ANXA3: variants seen among roughly 807,000 people sequenced by gnomAD.
ANXA3 encodes the protein annexin A3, also known as 35-alpha calcimedin.
ANXA3 carries 46 observed loss-of-function variants against 48.8 expected under a neutral mutation model. The observed-to-expected ratio is 0.94, with a 90% CI of 0.74 to 1.21. ANXA3 has a LOEUF of 1.21. ANXA3 is among the 50% of genes most tolerant of loss of function. The pLI, the probability that ANXA3 is intolerant of heterozygous loss-of-function variation, is 0.00. For synonymous variants in ANXA3, 128 were observed against 134.7 expected (o/e 0.95, Z 0.35); for missense variants, 383 against 378.6 (o/e 1.01, Z -0.10).
chr4:78,579,203 T>C, intron 4 of ANXA3, 82 bp downstream of exon 4: 1 of 914,120 alleles, frequency 1.1e-6, no homozygotes, highest in East Asian at 2.6e-5. Context: ...CCCACAGTCT[T>C]CTGTTTCAGG....
chr4:78,580,402 G>A (rs1191732296), intron 4 of ANXA3, among the ~76,000 whole-genome samples: 1 of 152,178 alleles, frequency 6.6e-6, no homozygotes, highest in Admixed American at 6.5e-5. Flanking sequence ...GAAAGTGAAG[G>A]GGGCAGAAGA....
intron 3 of ANXA3, among the ~76,000 whole-genome samples, chr4:78,578,121 TA>T (rs569083642): frequency 3.4e-5 from 5 of 147,824 alleles, no homozygotes; most frequent in Admixed American, 6.7e-5. Context: ...TCTACTAAAT[TA>T]AAAAAAAAAT....
At chr4:78,589,373 A>G (rs1016936810) in intron 6 of ANXA3, among the ~76,000 whole-genome samples, 8 of 152,330 alleles carry the variant, frequency 5.3e-5, no homozygotes, top group African/African-American at 9.6e-5. Context: ...TTAATGATAC[A>G]CAAGAAGATC....
intron 1 of ANXA3, among the ~76,000 whole-genome samples, chr4:78,552,972 T>C (rs561720877): frequency 2.0e-4 from 31 of 152,374 alleles, no homozygotes; most frequent in Non-Finnish European, 3.8e-4. Flanking sequence ...GGAAAGGATA[T>C]ATTGAAATTC....
intron 2 of ANXA3, among the ~76,000 whole-genome samples, chr4:78,561,371 G>A (rs1382702536): frequency 2.6e-5 from 4 of 152,162 alleles, no homozygotes; most frequent in Non-Finnish European, 5.9e-5. Context: ...TAGGAAAGGT[G>A]CAATGTGCTA....
chr4:78,601,520 G>A lies in ANXA3; in HGVS notation c.741G>A (p.Val247=). 1 of 1,613,970 alleles carries A rather than the reference G, an allele frequency of 6.2e-7. No homozygotes were observed. The highest frequency in any genetic ancestry group is 1.1e-5 in the South Asian group (1 of 91,072). ...TGCTTTTTGTTACAGTTAATTGTGT[G>A]AGGAACACGCCGGCCTTTTTAGCCG... is the stretch of plus-strand genomic sequence containing the variant. The part of the protein sequence containing the change: ...EDLLLAIVNC[V]RNTPAFLAER... The change falls in exon 11 of 13, where the codon GTG becomes GTA. Residue 247 remains valine (V), a synonymous_variant. Coordinates refer to ENST00000264908, the MANE Select transcript of ANXA3 (RefSeq NM_005139.3).
At position 78,554,347 on chromosome 4, in the gene ANXA3, T is replaced by G; in HGVS notation, c.-38-89T>G. 4.8e-5 allele frequency: 45 copies of G among 929,912 alleles called. No homozygotes were observed. The South Asian group carries it at 6.0e-4, about 12-fold the overall frequency. The allele number at this position is 929,912 out of a possible 1,614,324, so 57.6% of individuals were successfully genotyped here. ...TTTTTCTGTGAATGTTGACATCTGT[T>G]TTCTGGATTCAAGATTAAGGGTTGG... is the stretch of plus-strand genomic sequence containing the variant. On this transcript the variant is annotated intron_variant, in intron 1 of 12. Transcript: ENST00000264908.
intron 2 of ANXA3, among the ~76,000 whole-genome samples, chr4:78,568,563 T>C (rs1295375602): frequency 6.6e-6 from 1 of 152,238 alleles, no homozygotes; most frequent in East Asian, 1.9e-4. Flanking sequence ...TCTTGCTCTG[T>C]AGCATTTGGC....
chr4:78,581,774 C>T (rs1231817498), intron 4 of ANXA3, among the ~76,000 whole-genome samples: 1 of 152,182 alleles, frequency 6.6e-6, no homozygotes, highest in Non-Finnish European at 1.5e-5. Flanking sequence ...TCTTGGAGCT[C>T]TTTGGGAGTT....
intron 4 of ANXA3, among the ~76,000 whole-genome samples, chr4:78,581,279 A>T (rs1723064536): frequency 6.6e-6 from 1 of 152,186 alleles, no homozygotes; most frequent in Admixed American, 6.5e-5. Flanking sequence ...AGGAACAAAC[A>T]TTATTCAGTA....
At chr4:78,561,816 GCATT>G (rs747834687) in intron 2 of ANXA3, among the ~76,000 whole-genome samples, 1 of 152,104 alleles carries the variant, frequency 6.6e-6, no homozygotes, top group Non-Finnish European at 1.5e-5. Context: ...GTAAATATTG[GCATT>G]CAGACAGATA....
chr4:78,573,316 A>T (rs748772221), intron 3 of ANXA3, 49 bp downstream of exon 3: 1 of 1,394,576 alleles, frequency 7.2e-7, no homozygotes, highest in Non-Finnish European at 1.0e-6. Flanking sequence ...CAAATCAGGC[A>T]AGTTACAATC....
intron 3 of ANXA3, among the ~76,000 whole-genome samples, chr4:78,577,409 C>A (rs1051152346): frequency 6.6e-6 from 1 of 152,208 alleles, no homozygotes; most frequent in South Asian, 2.1e-4. Context: ...AAATTCCACC[C>A]AGAATGTGCT....
intron 1 of ANXA3, among the ~76,000 whole-genome samples, chr4:78,553,110 G>T (rs1055497480): frequency 1.3e-5 from 2 of 152,152 alleles, no homozygotes; most frequent in African/African-American, 2.4e-5. Flanking sequence ...GTCAGATTTG[G>T]TCAGGTGTGG....
intron 3 of ANXA3, among the ~76,000 whole-genome samples, chr4:78,574,942 C>T (rs576254438): frequency 3.9e-5 from 6 of 152,334 alleles, no homozygotes; most frequent in Admixed American, 2.0e-4. Context: ...CCATACTGCT[C>T]TCTGAAATGA....
chr4:78,565,752 T>G (rs1211338804), intron 2 of ANXA3, among the ~76,000 whole-genome samples: 1 of 152,114 alleles, frequency 6.6e-6, no homozygotes, highest in African/African-American at 2.4e-5. Flanking sequence ...ACCTACCTCA[T>G]AGGGTGGTTT....
intron 3 of ANXA3, among the ~76,000 whole-genome samples, chr4:78,577,262 G>A (rs1308545375): frequency 6.6e-6 from 1 of 152,150 alleles, no homozygotes; most frequent in African/African-American, 2.4e-5. Context: ...AAGAGATGCA[G>A]ATAATTGCTA....
At chr4:78,599,393 A>G (rs1723492625) in intron 10 of ANXA3, among the ~76,000 whole-genome samples, 2 of 152,250 alleles carry the variant, frequency 1.3e-5, no homozygotes, top group African/African-American at 2.4e-5. Flanking sequence ...AATGGTCAAC[A>G]CATAGTTTTT....
chr4:78,579,792 G>A (rs1723035988), intron 4 of ANXA3, among the ~76,000 whole-genome samples: 1 of 152,112 alleles, frequency 6.6e-6, no homozygotes, highest in Admixed American at 6.6e-5. Flanking sequence ...AGCCTGGTGT[G>A]ATGGCACATG....
Sources: gnomAD v4.1 joint callset for allele counts (sites outside exome capture counted in the v4.1 genomes callset) on GRCh38, gnomAD v4.1.1 for gene constraint, MANE v1.5 for transcripts, NCBI Gene and HGNC (gene_info 2026-07-23, HGNC 2026-07-21) for gene names.